The following ZMAT4 variants were observed in gnomAD, a reference collection of about 807,000 sequenced individuals.
ZMAT4 encodes zinc finger matrin-type protein 4.
Under a neutral mutation model 28.7 loss-of-function variants are expected in ZMAT4, and 17 were observed. The observed-to-expected ratio is 0.59, with a 90% CI of 0.41 to 0.89. The LOEUF is 0.89. Among genes scored for constraint, ZMAT4 ranks in the 40% least tolerant of loss-of-function variants. The pLI is 0.00. For missense variants in ZMAT4, 240 were observed against 283.8 expected (o/e 0.85, Z 1.11); for synonymous variants, 117 against 109.2 (o/e 1.07, Z -0.44).
chr8:40,609,047 TG>T (rs1304502841), intron 5 of ZMAT4, among the ~76,000 whole-genome samples: 2 of 152,238 alleles, frequency 1.3e-5, no homozygotes, highest in Non-Finnish European at 2.9e-5. Flanking sequence ...CACACTGCTT[TG>T]TCTGTCCGAG....
chr8:40,813,764 T>G (rs775430351), intron 2 of ZMAT4, among the ~76,000 whole-genome samples: 1 of 152,176 alleles, frequency 6.6e-6, no homozygotes, highest in South Asian at 2.1e-4. Context: ...AAAACATCAA[T>G]GGGAAGGATT....
chr8:40,697,397 C>T lies in ZMAT4; in HGVS notation c.197G>A (p.Ser66Asn). Reference sequence around the variant, plus strand: ...GTTCTTATCCACCATGTCGGCATCACTTCCCTGCGCAGGGAGAAAGAAAGG... The same window carrying T: ...GTTCTTATCCACCATGTCGGCATCATTTCCCTGCGCAGGGAGAAAGAAAGG... Reference protein sequence around the residue: ...PAKRLRSENGSDADMVDKNKC... With the variant: ...PAKRLRSENGNDADMVDKNKC... Residue 66 changes from serine (S) to asparagine (N), a missense_variant, in exon 4 of 7, where the codon AGT becomes AAT. Physicochemically the swap from Ser to Asn is conservative, Grantham distance 46 (BLOSUM62 1). Transcript: ENST00000297737. 6.3e-7 allele frequency: 1 copy of T among 1,581,628 alleles called. No homozygotes were observed. The highest frequency in any genetic ancestry group is 1.4e-5 in the African/African-American group (1 of 74,036).
chr8:40,758,005 T>C (rs968638653), intron 3 of ZMAT4, among the ~76,000 whole-genome samples: 1 of 152,196 alleles, frequency 6.6e-6, no homozygotes, highest in Non-Finnish European at 1.5e-5. Context: ...CTCCAAGTTC[T>C]TCAGCTTTGG....
chr8:40,870,581 C>G (rs1209723806), intron 1 of ZMAT4, among the ~76,000 whole-genome samples: 1 of 152,146 alleles, frequency 6.6e-6, no homozygotes, highest in African/African-American at 2.4e-5. Flanking sequence ...TTGCATCTTT[C>G]TTGTGTTGCT....
At chr8:40,726,496 T>A (rs1002187117) in intron 3 of ZMAT4, among the ~76,000 whole-genome samples, 1 of 152,194 alleles carries the variant, frequency 6.6e-6, no homozygotes, top group South Asian at 2.1e-4. Flanking sequence ...AGAGGGCAGA[T>A]AATGCAAGAA....
intron 1 of ZMAT4, among the ~76,000 whole-genome samples, chr8:40,866,841 A>C (rs1314594009): frequency 6.6e-6 from 1 of 152,232 alleles, no homozygotes; most frequent in Non-Finnish European, 1.5e-5. Context: ...GCATGCATGC[A>C]ACATGTGAAC....
At chr8:40,677,317 T>C (rs1282802580) in intron 4 of ZMAT4, among the ~76,000 whole-genome samples, 1 of 151,790 alleles carries the variant, frequency 6.6e-6, no homozygotes, top group Non-Finnish European at 1.5e-5. Flanking sequence ...TTTTTGCTTC[T>C]GTTGTAACTG....
intron 4 of ZMAT4, among the ~76,000 whole-genome samples, chr8:40,695,761 T>C (rs1809855887): frequency 6.9e-6 from 1 of 145,630 alleles, no homozygotes; most frequent in African/African-American, 2.5e-5. Flanking sequence ...GGTTTTGCCA[T>C]GTGGCAATTT....
chr8:40,589,962 TCCCTC>T (rs1804825389), intron 5 of ZMAT4, among the ~76,000 whole-genome samples: 1 of 13,222 alleles, frequency 7.6e-5, no homozygotes, highest in African/African-American at 1.9e-4. Context: ...CTTCCCTCCT[TCCCTC>T]CCTCCCTTCC....
chr8:40,801,352 A>AAAATATATATATATATATATATATATG (rs774919666), intron 2 of ZMAT4, among the ~76,000 whole-genome samples: 1 of 72,146 alleles, frequency 1.4e-5, no homozygotes, highest in African/African-American at 4.6e-5. Flanking sequence ...AAAAAAAAAA[A>AAAATATATATATATATATATATATATG]TATATATATA....
Position 40,809,149 on chromosome 8 carries a change from G to A in ZMAT4, c.102+16426C>T, listed in dbSNP as rs116220051. Among the ~76,000 whole-genome samples the A allele has an allele frequency of 4.8e-3, 724 of 152,296 alleles. 8 individuals are homozygous for A. Among genetic ancestry groups the A allele is most frequent in the African/African-American group, 0.016 (676 of 41,572 alleles). On this transcript the variant is annotated intron_variant, in intron 2 of 6. Transcript: ENST00000297737. The stretch of plus-strand genomic sequence containing the variant: ...TAAAAAAGAAAAAATTGTGTCCTTT[G>A]CAGAAACATGAATGTTGCTGAAGGC...
chr8:40,738,353 G>T (rs531584250), intron 3 of ZMAT4, among the ~76,000 whole-genome samples: 2 of 152,196 alleles, frequency 1.3e-5, no homozygotes, highest in African/African-American at 4.8e-5. Flanking sequence ...GAGCTCTGAG[G>T]TTAGAAGGCA....
intron 6 of ZMAT4, among the ~76,000 whole-genome samples, chr8:40,540,094 C>G (rs748749421): frequency 2.6e-5 from 4 of 152,202 alleles, no homozygotes; most frequent in Admixed American, 6.5e-5. Flanking sequence ...GTGAACACAT[C>G]AGCGTGATGA....
chr8:40,565,196 T>G (rs1803876872), intron 6 of ZMAT4, among the ~76,000 whole-genome samples: 1 of 152,148 alleles, frequency 6.6e-6, no homozygotes, highest in South Asian at 2.1e-4. Flanking sequence ...CAATGAAATA[T>G]TCTATCAGGT....
Position 40,680,700 on chromosome 8 carries a change from G to GCACACACA in ZMAT4, c.350-5770_350-5769insTGTGTGTG, listed in dbSNP as rs111761901. 1.5e-3 allele frequency among the ~76,000 whole-genome samples: 226 copies of GCACACACA among 149,212 alleles called. 1 individual carries two copies. Among genetic ancestry groups the GCACACACA allele is most frequent in the Admixed American group, 4.1e-3 (62 of 14,948 alleles). ...CTCTCTCTGTCTCTACATGTCTAAT[G>GCACACACA]TACACACACACACACACACACACAC... is the stretch of plus-strand genomic sequence containing the variant. On this transcript the variant is annotated intron_variant, in intron 4 of 6. Coordinates refer to ENST00000297737, the MANE Select transcript of ZMAT4 (RefSeq NM_024645.3).
rs186621977 is a variant in ZMAT4, at chr8:40,647,452, G to A, written c.577+27252C>T. Among the ~76,000 whole-genome samples the A allele has an allele frequency of 8.6e-3, 1,313 of 152,318 alleles. 11 individuals are homozygous for A. The highest frequency in any genetic ancestry group is 0.014 in the Non-Finnish European group (929 of 68,028). ...ACCCACGGAGTCTAGCTGATTGCTA[G>A]CACAGCAGTCTGAGATCAAACTGCA... On this transcript the variant is annotated intron_variant, in intron 5 of 6. Transcript: ENST00000297737.
At chr8:40,776,278 G>C (rs1273945418) in intron 2 of ZMAT4, among the ~76,000 whole-genome samples, 1 of 152,168 alleles carries the variant, frequency 6.6e-6, no homozygotes, top group Admixed American at 6.5e-5. Flanking sequence ...AGCATTTAAA[G>C]TGAGGAACAC....
intron 5 of ZMAT4, among the ~76,000 whole-genome samples, chr8:40,660,543 G>T (rs917277074): frequency 2.6e-5 from 4 of 152,152 alleles, no homozygotes; most frequent in Non-Finnish European, 4.4e-5. Flanking sequence ...CTCATGGATG[G>T]ACAAATGAAG....
chr8:40,557,025 C>T (rs770927035), intron 6 of ZMAT4, among the ~76,000 whole-genome samples: 2 of 152,154 alleles, frequency 1.3e-5, no homozygotes, highest in Non-Finnish European at 2.9e-5. Context: ...ACCTATCATT[C>T]TACCCTCTAC....
Sources: allele counts gnomAD v4.1 joint callset (sites outside exome capture counted in the v4.1 genomes callset), GRCh38; gene constraint gnomAD v4.1.1; transcripts MANE v1.5; gene names NCBI Gene and HGNC (gene_info 2026-07-23, HGNC 2026-07-21).